Variants in A4GALT observed in about 807,000 individuals in gnomAD.
The protein encoded by A4GALT is lactosylceramide 4-alpha-galactosyltransferase.
For missense variants in A4GALT, 512 were observed against 486.0 expected, an observed-to-expected ratio of 1.05 and a Z score of -0.50; for synonymous variants, 257 against 220.7, an observed-to-expected ratio of 1.16 and a Z score of -1.46.
intron 1 of A4GALT, among the ~76,000 whole-genome samples, chr22:42,716,250 T>C (rs149617614): frequency 0.011 from 1,641 of 151,990 alleles, 18 homozygotes; most frequent in Non-Finnish European, 0.014. Flanking sequence ...GGAGGGCGAG[T>C]GGGGTGCATG....
At position 42,705,014 on chromosome 22, in the gene A4GALT, C is replaced by T. The variant is rs1248563650; in HGVS notation, c.-187-9383G>A. Among the ~76,000 whole-genome samples, 5 of 152,112 alleles carry T rather than the reference C, an allele frequency of 3.3e-5. No individual in the cohort carries two copies. In the East Asian group the frequency reaches 7.7e-4, roughly 23 times the overall value. ...GTACTCAGGGCTGGAGGCAAGTGAC[C>T]TCTTGAGACAGGTTAGGTTCTGGAG... On this transcript the variant is annotated intron_variant, in intron 1 of 2. Coordinates refer to ENST00000642412, the MANE Select transcript of A4GALT (RefSeq NM_017436.7).
chr22:42,701,376 C>T (rs1381459500), intron 1 of A4GALT, among the ~76,000 whole-genome samples: 1 of 152,114 alleles, frequency 6.6e-6, no homozygotes, highest in Non-Finnish European at 1.5e-5. Flanking sequence ...GACAGGAGCC[C>T]GAGGTGGACC....
intron 1 of A4GALT, among the ~76,000 whole-genome samples, chr22:42,697,313 G>A (rs1238620823): frequency 2.6e-5 from 4 of 152,274 alleles, no homozygotes; most frequent in Non-Finnish European, 2.9e-5. Flanking sequence ...GGCCGGGTGA[G>A]CTCCCTGGGA....
At chr22:42,712,251 C>A (rs996085887) in intron 1 of A4GALT, among the ~76,000 whole-genome samples, 6 of 152,146 alleles carry the variant, frequency 3.9e-5, no homozygotes, top group African/African-American at 1.4e-4. Flanking sequence ...GAGTGAAATT[C>A]CCCGCAACCC....
intron 1 of A4GALT, among the ~76,000 whole-genome samples, chr22:42,708,402 G>T (rs968070805): frequency 1.3e-5 from 2 of 151,694 alleles, no homozygotes; most frequent in African/African-American, 2.4e-5. Context: ...ATTTAGCCAG[G>T]TGTGGTGGTG....
chr22:42,692,826 T>A lies in A4GALT; in HGVS notation c.*64A>T, dbSNP rs1259991693. ...CCTCTCCCGGGCCCTCAATCTTGCCTCCCCGGGAAGGGCGGCCCAGTGCCC... is the reference window on the plus strand; with the variant it reads ...CCTCTCCCGGGCCCTCAATCTTGCCACCCCGGGAAGGGCGGCCCAGTGCCC... On this transcript the variant is annotated 3_prime_UTR_variant, in exon 3 of 3. Transcript: ENST00000642412. This position sits in a 1 kb window ranked among gnomAD's most constrained non-coding sequence, Gnocchi z 4.6. 4 of 1,584,320 alleles carry A rather than the reference T, an allele frequency of 2.5e-6. No individual in the cohort carries two copies. The African/African-American group carries it at 4.0e-5, about 16-fold the overall frequency.
At chr22:42,700,587 C>T (rs1233796787) in intron 1 of A4GALT, among the ~76,000 whole-genome samples, 1 of 152,180 alleles carries the variant, frequency 6.6e-6, no homozygotes, top group African/African-American at 2.4e-5. Context: ...GCCACCCCTG[C>T]TGACCTGTGA....
chr22:42,694,388 G>GCCCA (rs1420961797), intron 2 of A4GALT, among the ~76,000 whole-genome samples: 1 of 152,234 alleles, frequency 6.6e-6, no homozygotes, highest in African/African-American at 2.4e-5. Context: ...GGGATTTGAG[G>GCCCA]CCCAGCTCAT....
intron 1 of A4GALT, among the ~76,000 whole-genome samples, chr22:42,719,778 C>G (rs1224972902): frequency 1.3e-5 from 2 of 152,182 alleles, no homozygotes; most frequent in East Asian, 3.9e-4. Context: ...AAGGCCAGAC[C>G]TGGCCTGAGA....
chr22:42,710,752 T>TG (rs1921617088), intron 1 of A4GALT, among the ~76,000 whole-genome samples: 1 of 152,010 alleles, frequency 6.6e-6, no homozygotes, highest in Non-Finnish European at 1.5e-5. Flanking sequence ...TGCAGCCTTG[T>TG]GGCTGACGCC....
At chr22:42,711,321 T>C (rs1173783167) in intron 1 of A4GALT, among the ~76,000 whole-genome samples, 1 of 152,216 alleles carries the variant, frequency 6.6e-6, no homozygotes, top group Non-Finnish European at 1.5e-5. Flanking sequence ...GGCAAGGCTG[T>C]GAGCAAACAG....
At chr22:42,704,884 G>C in intron 1 of A4GALT, among the ~76,000 whole-genome samples, 1 of 142,684 alleles carries the variant, frequency 7.0e-6, no homozygotes. Context: ...GGGGGCGGGG[G>C]GGGGCGGCGG....
At position 42,693,957 on chromosome 22, in the gene A4GALT, C is replaced by G; in HGVS notation, c.-6G>C. 5 of 1,572,520 alleles carry G rather than the reference C, an allele frequency of 3.2e-6. No individual in the cohort carries two copies. Among genetic ancestry groups the G allele is most frequent in the Non-Finnish European group, 4.3e-6 (5 of 1,159,492 alleles). ...AGGTCGGGGGGCTTGGACATGGTATCCCCAGATCAGACCAGGAGCTTCCAG... is the reference window on the plus strand; with the variant it reads ...AGGTCGGGGGGCTTGGACATGGTATGCCCAGATCAGACCAGGAGCTTCCAG... On this transcript the variant is annotated 5_prime_UTR_variant, in exon 3 of 3. Coordinates refer to ENST00000642412, the MANE Select transcript of A4GALT (RefSeq NM_017436.7).
chr22:42,696,146 C>T (rs570895993), intron 1 of A4GALT, among the ~76,000 whole-genome samples: 7 of 68,568 alleles, frequency 1.0e-4, no homozygotes, highest in East Asian at 1.3e-3. Context: ...AAAAGCCAGG[C>T]GCGGTAGCTC....
chr22:42,703,084 T>TGA lies in A4GALT; in HGVS notation c.-187-7455_-187-7454dup, dbSNP rs367871263. Among the ~76,000 whole-genome samples the TGA allele has an allele frequency of 9.3e-4, 122 of 131,300 alleles. 1 individual carries two copies. Among genetic ancestry groups the TGA allele is most frequent in the African/African-American group, 3.6e-3 (103 of 28,436 alleles). The allele number at this position is 131,300 out of a possible 152,430, so 86.1% of individuals were successfully genotyped here. Reference sequence around the variant, plus strand: ...GTGTGTGTGTGTGTGTGTGTGTGTGTGAGAGAGAGCATGCTGCCCCACTGT... The same window carrying TGA: ...GTGTGTGTGTGTGTGTGTGTGTGTGTGAGAGAGAGAGCATGCTGCCCCACTGT... On this transcript the variant is annotated intron_variant, in intron 1 of 2. Transcript: ENST00000642412.
intron 1 of A4GALT, among the ~76,000 whole-genome samples, chr22:42,714,624 A>G (rs531895124): frequency 1.8e-4 from 28 of 152,038 alleles, no homozygotes; most frequent in African/African-American, 6.3e-4. Context: ...AAAAATACAA[A>G]AATTAGCCAG....
At chr22:42,718,452 G>T (rs1173377420) in intron 1 of A4GALT, 1 of 27,424 alleles carries the variant, frequency 3.6e-5, no homozygotes, top group Non-Finnish European at 7.8e-5. Context: ...TAGTGGAGAT[G>T]GGGGGTTTCA....
chr22:42,698,261 A>T (rs1931073998), intron 1 of A4GALT, among the ~76,000 whole-genome samples: 1 of 151,862 alleles, frequency 6.6e-6, no homozygotes, highest in African/African-American at 2.4e-5. Flanking sequence ...AAAAAAAAAA[A>T]AAATCGAGAG....
intron 1 of A4GALT, among the ~76,000 whole-genome samples, chr22:42,715,841 G>GT (rs1382848896): frequency 5.3e-5 from 2 of 37,706 alleles, no homozygotes; most frequent in Admixed American, 3.4e-4. Context: ...CTTTTTTTTT[G>GT]TTTTTTTTGA....
Sources: allele counts gnomAD v4.1 joint callset (sites outside exome capture counted in the v4.1 genomes callset), GRCh38; gene constraint gnomAD v4.1.1; non-coding constraint Gnocchi (gnomAD v3.1); transcripts MANE v1.5; gene names NCBI Gene and HGNC (gene_info 2026-07-23, HGNC 2026-07-21).